PTGDS: variants seen among roughly 807,000 people sequenced by gnomAD.
The protein encoded by PTGDS is prostaglandin-H2 D-isomerase.
A neutral mutation model predicts 28.4 loss-of-function variants in PTGDS; 21 were observed. The observed-to-expected ratio is 0.74, with a 90% CI of 0.52 to 1.07. The LOEUF is 1.07. Ranked by LOEUF, PTGDS falls within the 50% of genes least tolerant of loss-of-function variation. PTGDS has a pLI of 0.00. For synonymous variants in PTGDS, 102 were observed against 106.0 expected (o/e 0.96, Z 0.23); for missense variants, 243 against 247.7 (o/e 0.98, Z 0.13).
chr9:136,977,702 T>A lies in PTGDS; in HGVS notation c.114+10T>A, dbSNP rs1303074435. 2.5e-6 allele frequency: 4 copies of A among 1,574,020 alleles called. No individual in the cohort carries two copies. The African/African-American group carries it at 5.4e-5, about 21-fold the overall frequency. On this transcript the variant is annotated intron_variant, in intron 1 of 6. Transcript: ENST00000371625. ...CTTCCAGCAGGACAAGGTGAGGGGCTTTCCTGCGTCATCCCCAAGGGCTAC... is the reference window on the plus strand; with the variant it reads ...CTTCCAGCAGGACAAGGTGAGGGGCATTCCTGCGTCATCCCCAAGGGCTAC...
At chr9:136,978,134 G>A (rs1830393408) in intron 1 of PTGDS, among the ~76,000 whole-genome samples, 1 of 152,148 alleles carries the variant, frequency 6.6e-6, no homozygotes. Context: ...GCTCTCGCCC[G>A]GGAGCTGCTC....
intron 1 of PTGDS, 173 bp from the exon 2 acceptor site, chr9:136,978,820 G>A (rs1321252360): frequency 1.1e-6 from 1 of 899,334 alleles, no homozygotes; most frequent in East Asian, 2.7e-5. Context: ...GGATTGAGGG[G>A]CGGGGGTCAG....
intron 3 of PTGDS, 95 bp downstream of exon 3, chr9:136,979,394 G>C: frequency 1.3e-6 from 2 of 1,575,168 alleles, no homozygotes; most frequent in Non-Finnish European, 1.7e-6. Flanking sequence ...AGATCCATGG[G>C]GTGGGAGGTG....
chr9:136,980,373 AG>A (rs1195159625), intron 5 of PTGDS, 89 bp downstream of exon 5: 2 of 1,420,598 alleles, frequency 1.4e-6, no homozygotes, highest in Non-Finnish European at 1.9e-6. Flanking sequence ...AGAGGGGAGG[AG>A]GTGGCCCCGC....
rs535375895 is a variant in PTGDS at position 136,980,197 on chromosome 9, C to A, written c.463C>A (p.Pro155Thr). ...MATLYSRTQT[P>T]RAELKEKFTA... ...CCCTGTCCCAGGCCGAACCCAGACC[C>A]CCAGGGCTGAGTTAAAGGAGAAATT... The change falls in exon 5 of 7, where the codon CCC becomes ACC. Residue 155 changes from proline (P) to threonine (T), a missense_variant. Pro to Thr is a conservative substitution (Grantham distance 38). Transcript: ENST00000371625. 9 of 1,613,958 alleles carry A rather than the reference C, an allele frequency of 5.6e-6. No individual in the cohort carries two copies. In the South Asian group the frequency reaches 9.9e-5, roughly 18 times the overall value.
rs748478055 is a variant in PTGDS, at chr9:136,980,142, TC to T, written c.449-34del. ...AAGACCCAGGGCAGGGCACACAGCA[TC>T]CCCCCCGCTGAGGCCAGCTCCGTCT... is the stretch of plus-strand genomic sequence containing the variant. On this transcript the variant is annotated intron_variant, in intron 4 of 6. Coordinates refer to ENST00000371625, the MANE Select transcript of PTGDS (RefSeq NM_000954.6). 4.5e-5 allele frequency: 73 copies of T among 1,608,556 alleles called. 1 individual carries two copies. Among genetic ancestry groups the T allele is most frequent in the Non-Finnish European group, 5.2e-5 (61 of 1,177,046 alleles).
chr9:136,980,307 G>A (rs1321351060), intron 5 of PTGDS, 23 bp downstream of exon 5: 3 of 1,609,674 alleles, frequency 1.9e-6, no homozygotes, highest in African/African-American at 2.7e-5. Context: ...AATCTGATGG[G>A]GAGAGGATCA....
At position 136,979,343 on chromosome 9, in the gene PTGDS, G is replaced by A. The variant is rs747337123; in HGVS notation, c.331+44G>A. On this transcript the variant is annotated intron_variant, in intron 3 of 6. Transcript: ENST00000371625. ...GGCCCCCTGGGCCCAGCCTGGGGGC[G>A]ACACTTGCCGGGACGACTCTGGGCC... 3.8e-6 allele frequency: 6 copies of A among 1,590,460 alleles called. No homozygotes were observed. In the Admixed American group the frequency reaches 1.1e-4, roughly 28 times the overall value.
intron 5 of PTGDS, 127 bp from the exon 6 acceptor site, chr9:136,980,706 G>A (rs867270726): frequency 6.2e-7 from 1 of 1,609,166 alleles, no homozygotes; most frequent in Non-Finnish European, 8.5e-7. Flanking sequence ...GGAGGTGATG[G>A]GGGATCTGTG....
chr9:136,979,483 A>T, intron 3 of PTGDS, 184 bp downstream of exon 3: 1 of 1,526,034 alleles, frequency 6.6e-7, no homozygotes, highest in Non-Finnish European at 8.8e-7. Flanking sequence ...GGACAGAGAG[A>T]CCCTTCCTCC....
chr9:136,979,282 A>C lies in PTGDS; in HGVS notation c.314A>C (p.Tyr105Ser). Reference protein sequence around the residue: ...LLQPAGSLGSYSYRSPHWGST... With the variant: ...LLQPAGSLGSSSYRSPHWGST... ...CAGCCCGCGGGGTCCCTCGGCTCCT[A>C]CAGCTACCGGAGTCCCCGTGAGTGG... Residue 105 changes from tyrosine to serine, a missense_variant, in exon 3 of 7, where the codon TAC becomes TCC. Physicochemically the swap from Tyr to Ser is moderately radical, Grantham distance 144 (BLOSUM62 -2). Coordinates refer to ENST00000371625, the MANE Select transcript of PTGDS (RefSeq NM_000954.6). The C allele has an allele frequency of 6.2e-7, 1 of 1,611,228 alleles. No homozygotes were observed. The highest frequency in any genetic ancestry group is 8.5e-7 in the Non-Finnish European group (1 of 1,179,116).
chr9:136,977,856 GCCCGAGGAGGCTGCCC>G (rs1830389856), intron 1 of PTGDS, among the ~76,000 whole-genome samples, 164 bp downstream of exon 1: 1 of 91,890 alleles, frequency 1.1e-5, no homozygotes, highest in South Asian at 3.3e-4. Flanking sequence ...CTGGGTAGCC[GCCCGAGGAGGCTGCCC>G]GCGAGAAGCC....
At chr9:136,978,314 G>A (rs965775431) in intron 1 of PTGDS, among the ~76,000 whole-genome samples, 1 of 152,038 alleles carries the variant, frequency 6.6e-6, no homozygotes, top group Non-Finnish European at 1.5e-5. Flanking sequence ...GCACAGAATC[G>A]GGACCGGGGG....
At chr9:136,980,702 G>A (rs748103723) in intron 5 of PTGDS, 131 bp from the exon 6 acceptor site, 2 of 1,607,524 alleles carry the variant, frequency 1.2e-6, no homozygotes, top group East Asian at 2.2e-5. Context: ...GGTGGGAGGT[G>A]ATGGGGGATC....
At chr9:136,981,521 G>C (rs994011388) in intron 6 of PTGDS, 58 bp from the exon 7 acceptor site, 7 of 152,568 alleles carry the variant, frequency 4.6e-5, no homozygotes, top group African/African-American at 1.7e-4. Flanking sequence ...GACTGGAGTG[G>C]AGGTGGGCTG....
At chr9:136,978,428 C>CT (rs1188429577) in intron 1 of PTGDS, among the ~76,000 whole-genome samples, 4 of 134,286 alleles carry the variant, frequency 3.0e-5, no homozygotes, top group African/African-American at 8.5e-5. Context: ...GCGTGGCCAG[C>CT]TTCTGGGGCT....
chr9:136,981,096 C>T, intron 6 of PTGDS: 1 of 581,038 alleles, frequency 1.7e-6, no homozygotes, highest in Non-Finnish European at 2.9e-6. Context: ...ACAGGGCTGA[C>T]TCCTGAAGGC....
rs745665338 is a variant in PTGDS at position 136,977,709 on chromosome 9, C to T, written c.114+17C>T. Reference sequence around the variant, plus strand: ...CAGGACAAGGTGAGGGGCTTTCCTGCGTCATCCCCAAGGGCTACAGGACCC... The same window carrying T: ...CAGGACAAGGTGAGGGGCTTTCCTGTGTCATCCCCAAGGGCTACAGGACCC... On this transcript the variant is annotated intron_variant, in intron 1 of 6. Coordinates refer to ENST00000371625, the MANE Select transcript of PTGDS (RefSeq NM_000954.6). 10 of 1,559,654 alleles carry T rather than the reference C, an allele frequency of 6.4e-6. No individual in the cohort carries two copies. The highest frequency in any genetic ancestry group is 7.8e-6 in the Non-Finnish European group (9 of 1,152,694).
intron 1 of PTGDS, 42 bp from the exon 2 acceptor site, chr9:136,978,951 C>T (rs749117362): frequency 1.9e-6 from 3 of 1,595,726 alleles, no homozygotes; most frequent in Non-Finnish European, 2.5e-6. Context: ...CAGGTGGGTC[C>T]GGAGGGTCCT....
Sources: gnomAD v4.1 joint callset for allele counts (sites outside exome capture counted in the v4.1 genomes callset) on GRCh38, gnomAD v4.1.1 for gene constraint, MANE v1.5 for transcripts, NCBI Gene and HGNC (gene_info 2026-07-23, HGNC 2026-07-21) for gene names.